Variants in NOL4L observed in about 807,000 individuals in gnomAD.
NOL4L encodes the protein nucleolar protein 4 like, also known as nucleolar protein 4-like.
In NOL4L, 7 loss-of-function variants were observed where a neutral mutation model predicts 64.5. That is an observed-to-expected ratio of 0.11 (90% CI 0.06 to 0.20). NOL4L has a LOEUF of 0.20. NOL4L is among the 10% of genes least tolerant of loss of function. The pLI is 1.00. For synonymous variants in NOL4L, 413 were observed against 401.0 expected, an observed-to-expected ratio of 1.03 and a Z score of -0.36; for missense variants, 680 against 967.1, an observed-to-expected ratio of 0.70 and a Z score of 3.94.
intron 1 of NOL4L, among the ~76,000 whole-genome samples, chr20:32,556,894 A>G (rs1978689421): frequency 6.6e-6 from 1 of 152,238 alleles, no homozygotes; most frequent in East Asian, 1.9e-4. Context: ...CTCCTTCTGC[A>G]CCAGCGACGT....
At chr20:32,576,693 T>C (rs1980128967) in intron 1 of NOL4L, among the ~76,000 whole-genome samples, 1 of 152,274 alleles carries the variant, frequency 6.6e-6, no homozygotes, top group Admixed American at 6.5e-5. Context: ...CCACCTGCTC[T>C]GCCGTCTCCC....
chr20:32,556,001 G>A (rs1978623785), intron 1 of NOL4L, among the ~76,000 whole-genome samples: 1 of 152,124 alleles, frequency 6.6e-6, no homozygotes, highest in Non-Finnish European at 1.5e-5. Flanking sequence ...GTATTTCTGT[G>A]ATCATTTGGT....
chr20:32,584,479 C>T (rs1186092864), intron 1 of NOL4L, 91 bp downstream of exon 1: 12 of 1,053,912 alleles, frequency 1.1e-5, no homozygotes, highest in Non-Finnish European at 6.2e-6. Context: ...GACACACGTT[C>T]GGACACACAT....
intron 5 of NOL4L, among the ~76,000 whole-genome samples, chr20:32,458,145 C>T (rs901884252): frequency 6.6e-6 from 1 of 152,198 alleles, no homozygotes; most frequent in Admixed American, 6.5e-5. Context: ...GAGAGCCAGG[C>T]CTAATCCTCA....
At chr20:32,561,058 G>T (rs1978986404) in intron 1 of NOL4L, 1 of 152,350 alleles carries the variant, frequency 6.6e-6, no homozygotes, top group African/African-American at 2.4e-5. Context: ...GGGGAGCCCA[G>T]GGTATAGCAG....
chr20:32,450,847 C>T (rs1000666177), intron 10 of NOL4L, among the ~76,000 whole-genome samples: 3 of 152,180 alleles, frequency 2.0e-5, no homozygotes, highest in Admixed American at 6.5e-5. Flanking sequence ...CACCTCTCAC[C>T]GTGCTGGCCA....
Position 32,478,811 on chromosome 20 carries a change from G to A in NOL4L, c.700-4069C>T, listed in dbSNP as rs186280247. ...TCACTATATCGCCCAGGCTGGCCTC[G>A]AACTCCTGGGCTCAAGTGCCTTGGC... On this transcript the variant is annotated intron_variant, in intron 4 of 10. Transcript: ENST00000621426. Among the ~76,000 whole-genome samples the A allele has an allele frequency of 2.5e-3, 381 of 152,254 alleles. 3 individuals carry two copies. Among genetic ancestry groups the A allele is most frequent in the African/African-American group, 8.7e-3 (360 of 41,546 alleles).
intron 5 of NOL4L, among the ~76,000 whole-genome samples, chr20:32,473,586 C>G (rs531265400): frequency 6.6e-6 from 1 of 152,248 alleles, no homozygotes; most frequent in Non-Finnish European, 1.5e-5. Flanking sequence ...CAAACAAAGC[C>G]GGATTCAGGC....
intron 4 of NOL4L, among the ~76,000 whole-genome samples, chr20:32,486,276 A>G (rs905318503): frequency 1.3e-5 from 2 of 152,156 alleles, no homozygotes; most frequent in Admixed American, 6.5e-5. Context: ...ATGAGTCCCA[A>G]TGAGGAATCG....
chr20:32,516,849 T>A (rs1245868274), intron 3 of NOL4L, among the ~76,000 whole-genome samples: 1 of 152,236 alleles, frequency 6.6e-6, no homozygotes, highest in Non-Finnish European at 1.5e-5. Flanking sequence ...ACAACCTGCC[T>A]ACTGAGGAAG....
At chr20:32,527,714 A>G in intron 2 of NOL4L, 44 bp downstream of exon 2, 1 of 1,514,474 alleles carries the variant, frequency 6.6e-7, no homozygotes, top group Non-Finnish European at 8.9e-7. Context: ...GCCTCCTGCC[A>G]AGGCCTGGGG....
At position 32,447,783 on chromosome 20, in the gene NOL4L, G is replaced by C; in HGVS notation, c.1856C>G (p.Ser619Cys). The change falls in exon 11 of 11, where the codon TCT becomes TGT. Residue 619 changes from serine (S) to cysteine (C), a missense_variant. By Grantham distance (112) the Ser-to-Cys change is moderately radical (BLOSUM62 -1). Transcript: ENST00000621426. ...GGGCGTGGGGGTGGTGGAGGTGGTA[G>C]AGGCCCCGCCTTTCATGCTGAGGTC... is the stretch of plus-strand genomic sequence containing the variant. ...PTDLSMKGGA[S>C]TTSTTPTPTP... The C allele has an allele frequency of 6.3e-7, 1 of 1,578,724 alleles. No individual in the cohort carries two copies. The highest frequency in any genetic ancestry group is 1.3e-5 in the African/African-American group (1 of 74,274).
At chr20:32,506,413 G>C (rs1464625647) in intron 4 of NOL4L, among the ~76,000 whole-genome samples, 2 of 152,034 alleles carry the variant, frequency 1.3e-5, no homozygotes, top group Admixed American at 1.3e-4. Flanking sequence ...TGTAATCCCA[G>C]CACTTTGGGA....
intron 4 of NOL4L, among the ~76,000 whole-genome samples, chr20:32,509,316 G>A (rs770726280): frequency 3.3e-5 from 5 of 151,886 alleles, no homozygotes; most frequent in South Asian, 2.1e-4. Flanking sequence ...CCAGGAGTTC[G>A]AGACCAGCCT....
At chr20:32,495,096 G>A (rs1013251418) in intron 4 of NOL4L, among the ~76,000 whole-genome samples, 3 of 152,206 alleles carry the variant, frequency 2.0e-5, no homozygotes, top group Non-Finnish European at 4.4e-5. Context: ...GTACTGTGGT[G>A]CCTGGGGAGC....
intron 1 of NOL4L, among the ~76,000 whole-genome samples, chr20:32,579,021 A>G (rs1917660752): frequency 1.3e-5 from 2 of 152,180 alleles, no homozygotes; most frequent in African/African-American, 4.8e-5. Flanking sequence ...CCAGCTGCTG[A>G]GACTCCGGGG....
intron 4 of NOL4L, among the ~76,000 whole-genome samples, chr20:32,497,556 C>T (rs897966265): frequency 1.3e-5 from 2 of 152,142 alleles, no homozygotes; most frequent in Non-Finnish European, 2.9e-5. Flanking sequence ...AAGAGGCACC[C>T]AAAAGCTGGA....
At chr20:32,482,931 G>T (rs1280608668) in intron 4 of NOL4L, among the ~76,000 whole-genome samples, 1 of 149,776 alleles carries the variant, frequency 6.7e-6, no homozygotes, top group South Asian at 2.1e-4. Context: ...GCGGTGCCGA[G>T]CCCGCTGCAC....
At chr20:32,574,422 G>A (rs1979957216) in intron 1 of NOL4L, among the ~76,000 whole-genome samples, 1 of 152,164 alleles carries the variant, frequency 6.6e-6, no homozygotes, top group Non-Finnish European at 1.5e-5. Context: ...CCTGTGCCTT[G>A]GTTTGCTAAC....
Sources: gnomAD v4.1 joint callset for allele counts (sites outside exome capture counted in the v4.1 genomes callset) on GRCh38, gnomAD v4.1.1 for gene constraint, MANE v1.5 for transcripts, NCBI Gene and HGNC (gene_info 2026-07-23, HGNC 2026-07-21) for gene names.